Variants in DHRS7 observed in about 807,000 individuals in gnomAD.
DHRS7 encodes dehydrogenase/reductase 7, also known as dehydrogenase/reductase SDR family member 7.
A neutral mutation model predicts 38.9 loss-of-function variants in DHRS7; 34 were observed. The observed-to-expected ratio is 0.87, with a 90% CI of 0.66 to 1.16. The LOEUF is 1.16. DHRS7 is among the 50% of genes most tolerant of loss of function. The probability of loss-of-function intolerance (pLI) is 0.00; values close to 1 mark genes in which losing one functional copy is unlikely to be tolerated. For synonymous variants in DHRS7, 158 were observed against 153.1 expected (o/e 1.03, Z -0.24); for missense variants, 421 against 407.0 (o/e 1.03, Z -0.30).
At chr14:60,152,190 A>G (rs1896560081) in intron 4 of DHRS7, among the ~76,000 whole-genome samples, 1 of 152,238 alleles carries the variant, frequency 6.6e-6, no homozygotes, top group African/African-American at 2.4e-5. Context: ...ACAGCTTTAA[A>G]TATAAATTTT....
At chr14:60,155,851 A>C (rs1232323162) in intron 2 of DHRS7, 149 bp downstream of exon 2, 6 of 777,216 alleles carry the variant, frequency 7.7e-6, no homozygotes, top group Non-Finnish European at 1.1e-5. Flanking sequence ...GCAGCCAATT[A>C]AGGCAAAAAG....
At chr14:60,165,649 C>G (rs1317865210), upstream of DHRS7, 3 of 1,088,160 alleles carry the variant, frequency 2.8e-6, no homozygotes, top group African/African-American at 3.3e-5. The surrounding 1 kb of genome is among the most constrained non-coding windows in gnomAD (Gnocchi z 4.6). Flanking sequence ...TTTAAAGAAG[C>G]TGATTCAAAC....
At chr14:60,158,268 A>ATGGAAACATCCCAAATAC (rs1261879385) in intron 1 of DHRS7, among the ~76,000 whole-genome samples, 1 of 150,266 alleles carries the variant, frequency 6.7e-6, no homozygotes, top group Non-Finnish European at 1.5e-5. Context: ...TCAACTAAGG[A>ATGGAAACATCCCAAATAC]TGGAAACATC....
chr14:60,161,426 G>GAAGAA lies in DHRS7; in HGVS notation c.133+3746_133+3750dup, dbSNP rs978046070. ...CTTGTTTTACAAAAAGCTGTTTCAG[G>GAAGAA]AAGAAAAGAAAAGAAATGAAACCTG... On this transcript the variant is annotated intron_variant, in intron 1 of 6. Transcript: ENST00000557185. This position sits in a 1 kb window ranked among gnomAD's most constrained non-coding sequence, Gnocchi z 4.2. Among the ~76,000 whole-genome samples the GAAGAA allele has an allele frequency of 6.6e-6, 1 of 152,180 alleles. No homozygotes were observed. Among genetic ancestry groups the GAAGAA allele is most frequent in the South Asian group, 2.1e-4 (1 of 4,816 alleles).
chr14:60,152,411 T>C (rs1595193767), intron 4 of DHRS7, among the ~76,000 whole-genome samples: 1 of 152,178 alleles, frequency 6.6e-6, no homozygotes, highest in African/African-American at 2.4e-5. Flanking sequence ...CCAGTAAGGA[T>C]ATGAGACCAG....
upstream of DHRS7, chr14:60,168,696 G>C: frequency 6.4e-7 from 1 of 1,561,880 alleles, no homozygotes; most frequent in South Asian, 1.2e-5. Flanking sequence ...CTCCAGCCAG[G>C]ACCAGCCTTG....
intron 1 of DHRS7, among the ~76,000 whole-genome samples, chr14:60,164,799 A>G (rs1896833035): frequency 6.6e-6 from 1 of 152,134 alleles, no homozygotes; most frequent in Admixed American, 6.5e-5. Context: ...ACGCAGGGGG[A>G]CGCTCACTGT....
intron 6 of DHRS7, chr14:60,147,796 A>G (rs1896445759): frequency 6.6e-6 from 1 of 152,230 alleles, no homozygotes; most frequent in South Asian, 2.1e-4. Flanking sequence ...GAACCCAGGT[A>G]GCCTAGCACC....
upstream of DHRS7, chr14:60,168,887 G>A (rs966247331): frequency 9.1e-7 from 1 of 1,095,746 alleles, no homozygotes; most frequent in Non-Finnish European, 1.2e-6. Flanking sequence ...AGAACACTTA[G>A]GCATTGAAAG....
chr14:60,167,454 C>T (rs1324641101), upstream of DHRS7, among the ~76,000 whole-genome samples: 1 of 152,192 alleles, frequency 6.6e-6, no homozygotes, highest in African/African-American at 2.4e-5. Context: ...GAATGGTACC[C>T]TGCCTTCCCT....
chr14:60,160,708 C>T (rs1447438060), intron 1 of DHRS7, among the ~76,000 whole-genome samples: 1 of 152,054 alleles, frequency 6.6e-6, no homozygotes, highest in Non-Finnish European at 1.5e-5. Context: ...CTCAGCCTCC[C>T]AAGTAGCTGG....
chr14:60,165,527 G>T (rs563035654), upstream of DHRS7: 56 of 1,280,602 alleles, frequency 4.4e-5, no homozygotes, highest in African/African-American at 7.0e-4. The surrounding 1 kb of genome is among the most constrained non-coding windows in gnomAD (Gnocchi z 4.6). Flanking sequence ...GCCCTCATGC[G>T]GCACACCCGG....
chr14:60,153,213 G>A lies in DHRS7; in HGVS notation c.394-35C>T. ...TAAAATCAGAAAAGGGGTGTTTGGG[G>A]GATGTCTTGTGGATAGATTGATGGA... On this transcript the variant is annotated intron_variant, in intron 3 of 6. Transcript: ENST00000557185. The surrounding 1 kb of genome is among the most constrained non-coding windows in gnomAD (Gnocchi z 4.4). The A allele has an allele frequency of 6.2e-7, 1 of 1,611,982 alleles. No individual in the cohort carries two copies. Among genetic ancestry groups the A allele is most frequent in the Non-Finnish European group, 8.5e-7 (1 of 1,178,782 alleles).
intron 1 of DHRS7, among the ~76,000 whole-genome samples, chr14:60,156,856 T>C (rs1896669528): frequency 6.6e-6 from 1 of 152,224 alleles, no homozygotes; most frequent in South Asian, 2.1e-4. Flanking sequence ...TATTGTACTC[T>C]GCTTCTCCAA....
At position 60,165,084 on chromosome 14, in the gene DHRS7, C is replaced by T. The variant is rs1896840088; in HGVS notation, c.133+93G>A. 4.7e-6 allele frequency: 7 copies of T among 1,499,214 alleles called. No individual in the cohort carries two copies. In the South Asian group the frequency reaches 8.3e-5, roughly 18 times the overall value. The allele number at this position is 1,499,214 out of a possible 1,614,324, so 92.9% of individuals were successfully genotyped here. On this transcript the variant is annotated intron_variant, in intron 1 of 6. Transcript: ENST00000557185. The surrounding 1 kb of genome is among the most constrained non-coding windows in gnomAD (Gnocchi z 4.6). The stretch of plus-strand genomic sequence containing the variant: ...AAGCTCCACGCAACCCACAAAGGAC[C>T]CGGGATCACTGCAGAACCCCCGGAG...
Position 60,154,025 on chromosome 14 carries a change from G to A in DHRS7, c.327C>T (p.Pro109=). 1 of 1,614,030 alleles carries A rather than the reference G, an allele frequency of 6.2e-7. No individual in the cohort carries two copies. The highest frequency in any genetic ancestry group is 8.5e-7 in the Non-Finnish European group (1 of 1,179,946). The change falls in exon 3 of 7, where the codon CCC becomes CCT. Residue 109 remains proline, a synonymous_variant. Coordinates refer to ENST00000557185, the MANE Select transcript of DHRS7 (RefSeq NM_016029.4). ...GGGAACCAGTGTCGGTCAGGTCAAGGGGCAAAACAAGTATATCTTTTTCTT... is the reference window on the plus strand; with the variant it reads ...GGGAACCAGTGTCGGTCAGGTCAAGAGGCAAAACAAGTATATCTTTTTCTT... ...NLKEKDILVL[P]LDLTDTGSHE...
intron 1 of DHRS7, among the ~76,000 whole-genome samples, 192 bp downstream of exon 1, chr14:60,164,985 A>G (rs1423851021): frequency 6.6e-6 from 1 of 152,222 alleles, no homozygotes; most frequent in African/African-American, 2.4e-5. Context: ...TACAGAAGAC[A>G]AAGGGGCTTT....
intron 5 of DHRS7, 85 bp from the exon 6 acceptor site, chr14:60,149,653 G>T: frequency 9.3e-7 from 1 of 1,070,220 alleles, no homozygotes; most frequent in Non-Finnish European, 1.3e-6. Flanking sequence ...CCGTCTAGTT[G>T]AGTGGTTCCT....
chr14:60,153,006 T>C lies in DHRS7; in HGVS notation c.566A>G (p.Asn189Ser). The change falls in exon 4 of 7, where the codon AAT (asparagine) becomes AGT (serine). Residue 189 changes from asparagine (N) to serine (S), a missense_variant. By Grantham distance (46) the Asn-to-Ser change is conservative. Coordinates refer to ENST00000557185, the MANE Select transcript of DHRS7 (RefSeq NM_016029.4). The surrounding 1 kb of genome is among the most constrained non-coding windows in gnomAD (Gnocchi z 4.4). ...ERKQGKIVTVNSILGIISVPL... is the reference protein window; with the variant it reads ...ERKQGKIVTVSSILGIISVPL... Reference sequence around the variant, plus strand: ...TACAGATATGATACCCAGGATGCTATTCACAGTAACAATCTTTCCTTGCTT... The same window carrying C: ...TACAGATATGATACCCAGGATGCTACTCACAGTAACAATCTTTCCTTGCTT... 6.2e-7 allele frequency: 1 copy of C among 1,614,198 alleles called. No individual in the cohort carries two copies. Among genetic ancestry groups the C allele is most frequent in the South Asian group, 1.1e-5 (1 of 91,084 alleles).
Sources: gnomAD v4.1 joint callset for allele counts (sites outside exome capture counted in the v4.1 genomes callset) on GRCh38, gnomAD v4.1.1 for gene constraint, Gnocchi (gnomAD v3.1) non-coding constraint, MANE v1.5 for transcripts, NCBI Gene and HGNC (gene_info 2026-07-23, HGNC 2026-07-21) for gene names.